Variants in EIF4E observed in about 807,000 individuals in gnomAD.
EIF4E encodes the protein eukaryotic translation initiation factor 4E.
For synonymous variants in EIF4E, 71 were observed against 88.5 expected (o/e 0.80, Z 1.11); for missense variants, 113 against 265.6 (o/e 0.43, Z 3.99).
chr4:98,926,141 C>A (rs1725855983), intron 1 of EIF4E: 1 of 149,594 alleles, frequency 6.7e-6, no homozygotes, highest in East Asian at 2.0e-4. Context: ...ACTCCAGCCC[C>A]AGCAACAGAG....
chr4:98,922,820 T>A (rs1725703539), intron 1 of EIF4E, among the ~76,000 whole-genome samples: 1 of 151,560 alleles, frequency 6.6e-6, no homozygotes, highest in Non-Finnish European at 1.5e-5. Context: ...ATAGTGTGAC[T>A]AAACTTCATT....
intron 1 of EIF4E, among the ~76,000 whole-genome samples, chr4:98,920,325 G>A (rs1725589116): frequency 6.6e-6 from 1 of 150,976 alleles, no homozygotes; most frequent in Non-Finnish European, 1.5e-5. Flanking sequence ...TTTTGAGACG[G>A]AGTTTCACTC....
chr4:98,918,408 G>A (rs969827395), intron 1 of EIF4E, among the ~76,000 whole-genome samples: 15 of 149,154 alleles, frequency 1.0e-4, no homozygotes, highest in African/African-American at 2.5e-4. Context: ...AAAAGAAAAC[G>A]TACATACCTA....
intron 1 of EIF4E, among the ~76,000 whole-genome samples, chr4:98,918,636 T>C (rs1051335393): frequency 3.9e-5 from 6 of 152,110 alleles, no homozygotes; most frequent in African/African-American, 1.4e-4. Context: ...CCAGTAATGT[T>C]TGAAATAGCA....
chr4:98,915,567 G>A (rs956151511), intron 1 of EIF4E, among the ~76,000 whole-genome samples: 1 of 145,336 alleles, frequency 6.9e-6, no homozygotes, highest in African/African-American at 2.8e-5. Context: ...TTGAGACAGA[G>A]TCTTGCTCTG....
intron 3 of EIF4E, among the ~76,000 whole-genome samples, chr4:98,890,439 G>A (rs1724099871): frequency 6.6e-6 from 1 of 152,108 alleles, no homozygotes; most frequent in Non-Finnish European, 1.5e-5. Context: ...TAGACACACT[G>A]GATTAACTTT....
chr4:98,884,576 C>T (rs1172206598), intron 6 of EIF4E, among the ~76,000 whole-genome samples: 2 of 152,030 alleles, frequency 1.3e-5, no homozygotes, highest in East Asian at 1.9e-4. Flanking sequence ...TGGTGGCATG[C>T]GCCTGTATTC....
intron 1 of EIF4E, among the ~76,000 whole-genome samples, chr4:98,906,826 C>A (rs1032670096): frequency 1.2e-4 from 19 of 152,208 alleles, no homozygotes; most frequent in Non-Finnish European, 2.1e-4. Context: ...ATGTTGGAAT[C>A]CCAGCTCTGC....
At chr4:98,928,864 C>G (rs1178994771) in intron 1 of EIF4E, 5 of 1,542,892 alleles carry the variant, frequency 3.2e-6, no homozygotes, top group East Asian at 4.9e-5. Context: ...GCCCCTCCCC[C>G]ACACCGCTCC....
intron 2 of EIF4E, among the ~76,000 whole-genome samples, chr4:98,894,969 G>C (rs967074001): frequency 2.0e-5 from 3 of 152,204 alleles, no homozygotes; most frequent in African/African-American, 7.2e-5. Flanking sequence ...CAACATTGTT[G>C]TGTCTCAGGG....
At chr4:98,927,023 C>T (rs1725901089) in intron 1 of EIF4E, among the ~76,000 whole-genome samples, 1 of 152,132 alleles carries the variant, frequency 6.6e-6, no homozygotes, top group Admixed American at 6.6e-5. Context: ...AGATGTAATG[C>T]TTTTTACTGA....
At chr4:98,899,178 T>C (rs1724542591) in intron 2 of EIF4E, among the ~76,000 whole-genome samples, 1 of 151,864 alleles carries the variant, frequency 6.6e-6, no homozygotes, top group Non-Finnish European at 1.5e-5. Context: ...CACTCTAATA[T>C]AAAATGCTTG....
chr4:98,901,238 C>A (rs1426111625), intron 2 of EIF4E, among the ~76,000 whole-genome samples: 1 of 150,062 alleles, frequency 6.7e-6, no homozygotes, highest in Admixed American at 6.6e-5. Context: ...GCTCTTGTTG[C>A]CCAGGCTGGC....
intron 1 of EIF4E, among the ~76,000 whole-genome samples, chr4:98,919,452 C>T (rs147080189): frequency 0.021 from 3,217 of 151,684 alleles, 53 homozygotes; most frequent in Non-Finnish European, 0.034. Context: ...AGGATAGAAT[C>T]ATGTATCTAA....
chr4:98,883,393 A>AT (rs11408890), intron 6 of EIF4E, among the ~76,000 whole-genome samples: 56,407 of 103,680 alleles, frequency 0.54, 16,291 homozygotes, highest in East Asian at 0.83. Context: ...TGTAAGTCAA[A>AT]TTTTTTTTTT....
intron 1 of EIF4E, among the ~76,000 whole-genome samples, chr4:98,904,155 C>A (rs1290222718): frequency 6.6e-6 from 1 of 152,120 alleles, no homozygotes; most frequent in Non-Finnish European, 1.5e-5. Context: ...TTGCAACTGC[C>A]CAGTATTTGT....
chr4:98,920,176 A>G (rs906270026), intron 1 of EIF4E, among the ~76,000 whole-genome samples: 13 of 152,196 alleles, frequency 8.5e-5, no homozygotes, highest in Non-Finnish European at 1.8e-4. Flanking sequence ...ATTAGACAGA[A>G]CTTAGCCTGT....
At chr4:98,902,074 A>AT (rs371950488) in intron 1 of EIF4E, 92 bp from the exon 2 acceptor site, 45,883 of 979,088 alleles carry the variant, frequency 0.047, 4 homozygotes, top group East Asian at 0.053. Flanking sequence ...TATGCTGATA[A>AT]TTTTTTTTTT....
chr4:98,928,553 C>G (rs1721325679), intron 1 of EIF4E, among the ~76,000 whole-genome samples: 1 of 152,034 alleles, frequency 6.6e-6, no homozygotes, highest in Admixed American at 6.6e-5. Context: ...GCCTAACCCA[C>G]CCTCCGGCAA....
Sources: allele counts gnomAD v4.1 joint callset (sites outside exome capture counted in the v4.1 genomes callset), GRCh38; gene constraint gnomAD v4.1.1; transcripts MANE v1.5; gene names NCBI Gene and HGNC (gene_info 2026-07-23, HGNC 2026-07-21).